The following TMEM220 variants were observed in gnomAD, a reference collection of about 807,000 sequenced individuals.
TMEM220 encodes transmembrane protein 220.
Under a neutral mutation model 21.7 loss-of-function variants are expected in TMEM220, and 21 were observed. The observed-to-expected ratio is 0.97, with a 90% confidence interval of 0.69 to 1.39. TMEM220 has a LOEUF of 1.39. Among genes scored for constraint, TMEM220 ranks in the 40% most tolerant of loss-of-function variants. TMEM220 has a pLI of 0.00. For missense variants in TMEM220, 191 were observed against 201.9 expected, an observed-to-expected ratio of 0.95 and a Z score of 0.33; for synonymous variants, 80 against 73.6, an observed-to-expected ratio of 1.09 and a Z score of -0.45.
At chr17:10,711,899 G>T (rs950197677), downstream of TMEM220, among the ~76,000 whole-genome samples, 1 of 152,224 alleles carries the variant, frequency 6.6e-6, no homozygotes, top group African/African-American at 2.4e-5. Flanking sequence ...GACTATTCAG[G>T]TGTGGAGAAA....
chr17:10,724,206 A>G (rs930774609), intron 4 of TMEM220, among the ~76,000 whole-genome samples: 3 of 152,208 alleles, frequency 2.0e-5, no homozygotes, highest in Non-Finnish European at 4.4e-5. Context: ...GCAAAGGAAG[A>G]GGTGATAAAA....
Position 10,715,424 on chromosome 17 carries a change from CA to C in TMEM220, c.*28del. 6.4e-7 allele frequency: 1 copy of C among 1,568,918 alleles called. No homozygotes were observed. The highest frequency in any genetic ancestry group is 8.6e-7 in the Non-Finnish European group (1 of 1,165,354). ...TTATAAAAAATTGATTGAAAATATTCATTTTAAAAACGAAGTTCTTGAATTT... is the reference window on the plus strand; with the variant it reads ...TTATAAAAAATTGATTGAAAATATTCTTTTAAAAACGAAGTTCTTGAATTT... On this transcript the variant is annotated 3_prime_UTR_variant, in exon 6 of 6. Transcript: ENST00000341871.
intron 1 of TMEM220, 122 bp from the exon 2 acceptor site, chr17:10,729,182 G>A (rs421541): frequency 0.45 from 477,885 of 1,073,692 alleles, 110,518 homozygotes; most frequent in African/African-American, 0.66. Flanking sequence ...GGCATCGAGG[G>A]TACAAAATCT....
chr17:10,726,354 G>T, intron 2 of TMEM220, 90 bp from the exon 3 acceptor site: 1 of 1,055,340 alleles, frequency 9.5e-7, no homozygotes, highest in Non-Finnish European at 1.5e-6. Context: ...AGAAAGATGA[G>T]ATCAGTGGCT....
chr17:10,717,102 T>A (rs1291629968), intron 5 of TMEM220, among the ~76,000 whole-genome samples: 1 of 152,250 alleles, frequency 6.6e-6, no homozygotes, highest in Non-Finnish European at 1.5e-5. Context: ...ACACATGTAT[T>A]CATATCACCC....
rs1400591223 is a variant in TMEM220 at position 10,713,296 on chromosome 17, A to G, written c.*2157T>C. 1.3e-5 allele frequency: 2 copies of G among 151,580 alleles called. No individual in the cohort carries two copies. The highest frequency in any genetic ancestry group is 4.8e-5 in the African/African-American group (2 of 41,390). 9.4% of individuals were successfully genotyped at this position (151,580 alleles called of 1,614,324 possible). A position where few individuals can be genotyped will look rare whatever the true frequency, so the allele number is the denominator to read the frequency against. On this transcript the variant is annotated 3_prime_UTR_variant, in exon 6 of 6. Coordinates refer to ENST00000341871, the MANE Select transcript of TMEM220 (RefSeq NM_001004313.3). Reference sequence around the variant, plus strand: ...AAAAAAAAAAAAAAAAGATTTTAATAATAGAAATATTAAATTTAATAATAA... The same window carrying G: ...AAAAAAAAAAAAAAAAGATTTTAATGATAGAAATATTAAATTTAATAATAA...
rs56100455 is a variant in TMEM220 at position 10,715,351 on chromosome 17, A to G, written c.*102T>C. 9 of 985,748 alleles carry G rather than the reference A, an allele frequency of 9.1e-6. No individual in the cohort carries two copies. In the African/African-American group the frequency reaches 9.5e-5, roughly 10 times the overall value. The allele number at this position is 985,748 out of a possible 1,614,324, so 61.1% of individuals were successfully genotyped here. A position where few individuals can be genotyped will look rare whatever the true frequency, so the allele number is the denominator to read the frequency against. Reference sequence around the variant, plus strand: ...AAAAGTTATTTGGAGTTTTAAAACTATTAGCCCAAATTACCTGAAATAAAC... The same window carrying G: ...AAAAGTTATTTGGAGTTTTAAAACTGTTAGCCCAAATTACCTGAAATAAAC... On this transcript the variant is annotated 3_prime_UTR_variant, in exon 6 of 6. Coordinates refer to ENST00000341871, the MANE Select transcript of TMEM220 (RefSeq NM_001004313.3).
At chr17:10,725,549 C>T (rs1043570374) in intron 3 of TMEM220, among the ~76,000 whole-genome samples, 4 of 152,354 alleles carry the variant, frequency 2.6e-5, no homozygotes, top group East Asian at 1.9e-4. Context: ...AGTGAAGAAA[C>T]ACAGTCCATA....
At chr17:10,722,305 T>C (rs568472554) in intron 5 of TMEM220, among the ~76,000 whole-genome samples, 2 of 152,272 alleles carry the variant, frequency 1.3e-5, no homozygotes, top group East Asian at 3.9e-4. Flanking sequence ...TAGAGTTGGG[T>C]TTTTAATCTT....
rs140930866 is a variant in TMEM220, at chr17:10,723,996, G to A, written c.288-667C>T. Among the ~76,000 whole-genome samples the A allele has an allele frequency of 1.2e-3, 181 of 152,218 alleles. 1 individual carries two copies. The highest frequency in any genetic ancestry group is 4.0e-3 in the African/African-American group (168 of 41,524). On this transcript the variant is annotated intron_variant, in intron 4 of 5. Coordinates refer to ENST00000341871, the MANE Select transcript of TMEM220 (RefSeq NM_001004313.3). The stretch of plus-strand genomic sequence containing the variant: ...ATGCTGGAAGTGATTCAACCCATTT[G>A]GTCTACATTCTTATCTACAGACCCA...
At chr17:10,719,146 C>T (rs1597526178) in intron 5 of TMEM220, among the ~76,000 whole-genome samples, 1 of 124,408 alleles carries the variant, frequency 8.0e-6, no homozygotes, top group African/African-American at 3.4e-5. Flanking sequence ...AAGTGTCTTC[C>T]TTTGGCATCT....
chr17:10,726,334 C>A, intron 2 of TMEM220, 70 bp from the exon 3 acceptor site: 1 of 1,279,158 alleles, frequency 7.8e-7, no homozygotes, highest in Non-Finnish European at 1.1e-6. Flanking sequence ...TTCAGAGATA[C>A]AGGAAGTAAA....
chr17:10,719,340 G>A (rs1049004175), intron 5 of TMEM220, among the ~76,000 whole-genome samples: 5 of 152,062 alleles, frequency 3.3e-5, no homozygotes, highest in African/African-American at 4.8e-5. Context: ...GCAGTGGCGC[G>A]ATCTCGGCTC....
downstream of TMEM220, among the ~76,000 whole-genome samples, chr17:10,712,848 T>G (rs990705163): frequency 6.6e-6 from 1 of 152,214 alleles, no homozygotes; most frequent in African/African-American, 2.4e-5. Flanking sequence ...CCTTGAATGA[T>G]GAGCCAAGAG....
chr17:10,714,083 GA>G lies in TMEM220; in HGVS notation c.*1369del, dbSNP rs2074878121. ...TAAGCCACGTAAATAAAAGTAAACA[GA>G]AACAGATAAAATCAACTTTAATAGT... On this transcript the variant is annotated 3_prime_UTR_variant, in exon 6 of 6. Transcript: ENST00000341871. 1 of 152,094 alleles carries G rather than the reference GA, an allele frequency of 6.6e-6. No individual in the cohort carries two copies. Among genetic ancestry groups the G allele is most frequent in the Admixed American group, 6.6e-5 (1 of 15,260 alleles). 9.4% of individuals were successfully genotyped at this position (152,094 alleles called of 1,614,324 possible).
Position 10,729,921 on chromosome 17 carries a change from T to A in TMEM220, c.-70A>T, listed in dbSNP as rs543245082. 1 of 1,248,000 alleles carries A rather than the reference T, an allele frequency of 8.0e-7. No individual in the cohort carries two copies. 77.3% of individuals were successfully genotyped at this position (1,248,000 alleles called of 1,614,324 possible). On this transcript the variant is annotated 5_prime_UTR_variant, in exon 1 of 6. Transcript: ENST00000341871. ...GGGCGGTGAGTCCTGCCACGTACGGTCCGCCTTCCTCCTTGCGCGGAGGGA... is the reference window on the plus strand; with the variant it reads ...GGGCGGTGAGTCCTGCCACGTACGGACCGCCTTCCTCCTTGCGCGGAGGGA...
Position 10,729,794 on chromosome 17 carries a change from C to T in TMEM220, c.58G>A (p.Ala20Thr). Residue 20 changes from alanine (A) to threonine (T), a missense_variant, in exon 1 of 6, where the codon GCG becomes ACG. Transcript: ENST00000341871. ...NGLMAAFFALAALVQVNDPDA... is the reference protein window; with the variant it reads ...NGLMAAFFALTALVQVNDPDA... Reference sequence around the variant, plus strand: ...GGCCGCCTGACCTGCACCAAGGCCGCCAGCGCGAAGAAGGCGGCCATGAGT... The same window carrying T: ...GGCCGCCTGACCTGCACCAAGGCCGTCAGCGCGAAGAAGGCGGCCATGAGT... The T allele has an allele frequency of 7.1e-7, 1 of 1,412,336 alleles. No homozygotes were observed. Among genetic ancestry groups the T allele is most frequent in the Non-Finnish European group, 9.3e-7 (1 of 1,076,006 alleles). The allele number at this position is 1,412,336 out of a possible 1,614,324, so 87.5% of individuals were successfully genotyped here. A position where few individuals can be genotyped will look rare whatever the true frequency, so the allele number is the denominator to read the frequency against.
chr17:10,719,253 A>T (rs1264804224), intron 5 of TMEM220, among the ~76,000 whole-genome samples: 4 of 152,152 alleles, frequency 2.6e-5, no homozygotes, highest in African/African-American at 9.7e-5. Context: ...CACCAGGATA[A>T]ATTCTATCTA....
chr17:10,728,942 G>A lies in TMEM220; in HGVS notation c.102+89C>T, dbSNP rs564710174. The A allele has an allele frequency of 2.2e-4, 304 of 1,378,084 alleles. 5 individuals carry two copies. The South Asian group carries it at 3.1e-3, about 14-fold the overall frequency. The allele number at this position is 1,378,084 out of a possible 1,614,324, so 85.4% of individuals were successfully genotyped here. A position where few individuals can be genotyped will look rare whatever the true frequency, so the allele number is the denominator to read the frequency against. ...TAAGTTTCTCAGAAAATTAAGCAGG[G>A]AGGAGGGGTAAAGACATAAAACCGT... On this transcript the variant is annotated intron_variant, in intron 2 of 5. Transcript: ENST00000341871.
Sources: allele counts gnomAD v4.1 joint callset (sites outside exome capture counted in the v4.1 genomes callset), GRCh38; gene constraint gnomAD v4.1.1; transcripts MANE v1.5; gene names NCBI Gene and HGNC (gene_info 2026-07-23, HGNC 2026-07-21).